The following STK24 variants were observed in gnomAD, a reference collection of about 807,000 sequenced individuals.
The protein encoded by STK24 is serine/threonine-protein kinase 24.
STK24 carries 21 observed loss-of-function variants against 55.6 expected under a neutral mutation model. The observed-to-expected ratio is 0.38, with a 90% CI of 0.27 to 0.54. The LOEUF is 0.54. Among genes scored for constraint, STK24 ranks in the 20% least tolerant of loss-of-function variants. The probability of loss-of-function intolerance (pLI) is 0.79; values close to 1 mark genes in which losing one functional copy is unlikely to be tolerated. For synonymous variants in STK24, 200 were observed against 215.2 expected (o/e 0.93, Z 0.62); for missense variants, 383 against 538.4 (o/e 0.71, Z 2.86).
chr13:98,514,558 A>G (rs1055308079), intron 2 of STK24, among the ~76,000 whole-genome samples: 3 of 152,230 alleles, frequency 2.0e-5, no homozygotes, highest in Non-Finnish European at 2.9e-5. Context: ...ACTACTCAGA[A>G]AAGTTTTTAG....
In STK24 at chr13:98,446,833, C is replaced by T; in HGVS notation, c.*6340G>A. 1.2e-6 allele frequency: 2 copies of T among 1,613,706 alleles called. No homozygotes were observed. Among genetic ancestry groups the T allele is most frequent in the Non-Finnish European group, 1.7e-6 (2 of 1,179,750 alleles). On this transcript the variant is annotated 3_prime_UTR_variant, in exon 11 of 11. Coordinates refer to ENST00000539966, the MANE Select transcript of STK24 (RefSeq NM_001032296.4). ...CGTTCGAAAGGTAGACACCCCCTTC[C>T]CACGCACAGGGCCCTGCAGAAGAGG...
intron 1 of STK24, among the ~76,000 whole-genome samples, chr13:98,565,610 C>T (rs1290606182): frequency 7.1e-6 from 1 of 140,786 alleles, no homozygotes; most frequent in Non-Finnish European, 1.5e-5. Flanking sequence ...CCAGTCTGGG[C>T]ACGAGAATGA....
chr13:98,459,670 C>T (rs1893618817), intron 9 of STK24, among the ~76,000 whole-genome samples: 1 of 152,222 alleles, frequency 6.6e-6, no homozygotes, highest in African/African-American at 2.4e-5. Flanking sequence ...GAAAACTGCC[C>T]AAAGAGGGAA....
chr13:98,463,940 A>T, intron 6 of STK24, 104 bp from the exon 7 acceptor site: 1 of 1,314,278 alleles, frequency 7.6e-7, no homozygotes, highest in East Asian at 2.3e-5. Flanking sequence ...CTGACACCTG[A>T]TGGCTGGACT....
intron 1 of STK24, among the ~76,000 whole-genome samples, chr13:98,535,674 C>T (rs183601231): frequency 4.7e-4 from 72 of 152,310 alleles, no homozygotes; most frequent in African/African-American, 1.6e-3. Flanking sequence ...AGAACACTGT[C>T]CTCATTACAC....
rs568559810 is a variant in STK24 at position 98,461,952 on chromosome 13, C to T, written c.930-55G>A. ...AGTGCTCGCACACCTGCTCTGGGGG[C>T]GCTGGGACGTTCAGGGGGAGGCCGC... On this transcript the variant is annotated intron_variant, in intron 7 of 10. Coordinates refer to ENST00000539966, the MANE Select transcript of STK24 (RefSeq NM_001032296.4). The T allele has an allele frequency of 1.8e-5, 29 of 1,600,292 alleles. No individual in the cohort carries two copies. In the African/African-American group the frequency reaches 2.5e-4, roughly 14 times the overall value.
At chr13:98,500,725 C>T (rs934312069) in intron 2 of STK24, among the ~76,000 whole-genome samples, 4 of 151,606 alleles carry the variant, frequency 2.6e-5, no homozygotes, top group African/African-American at 9.7e-5. Flanking sequence ...CCATCCTCCC[C>T]CAACCCGTCC....
At chr13:98,565,268 G>C (rs1027760390) in intron 1 of STK24, among the ~76,000 whole-genome samples, 1 of 151,770 alleles carries the variant, frequency 6.6e-6, no homozygotes, top group Non-Finnish European at 1.5e-5. Flanking sequence ...GAAACTCCAG[G>C]GCAGCAGGGC....
intron 2 of STK24, among the ~76,000 whole-genome samples, chr13:98,515,740 A>G (rs1233105252): frequency 6.6e-6 from 1 of 152,234 alleles, no homozygotes; most frequent in African/African-American, 2.4e-5. Flanking sequence ...GAATGAACCA[A>G]AACATAATTA....
intron 1 of STK24, among the ~76,000 whole-genome samples, chr13:98,537,528 G>A (rs1320129449): frequency 3.3e-5 from 5 of 152,154 alleles, no homozygotes; most frequent in Admixed American, 1.3e-4. Flanking sequence ...ACTAAGGACC[G>A]GGCCACGCAC....
chr13:98,504,204 C>CAA (rs138590566), intron 2 of STK24, among the ~76,000 whole-genome samples: 4,176 of 146,802 alleles, frequency 0.028, 98 homozygotes, highest in Admixed American at 0.071. Context: ...TAACTGAAGA[C>CAA]AAAAAAAAAA....
intron 1 of STK24, among the ~76,000 whole-genome samples, chr13:98,535,224 C>T (rs1483146634): frequency 3.3e-5 from 5 of 152,156 alleles, no homozygotes; most frequent in African/African-American, 1.2e-4. Flanking sequence ...GTAATCCCAA[C>T]TACCTGGGAG....
intron 1 of STK24, among the ~76,000 whole-genome samples, chr13:98,522,355 C>T (rs1231583734): frequency 3.3e-5 from 5 of 152,258 alleles, no homozygotes; most frequent in Admixed American, 1.3e-4. Flanking sequence ...CAAACCTGCC[C>T]GAACAGAACC....
At chr13:98,454,178 G>A (rs1215964501) in intron 10 of STK24, 1 of 152,198 alleles carries the variant, frequency 6.6e-6, no homozygotes, top group Non-Finnish European at 1.5e-5. Context: ...TTTATGACCT[G>A]GTATGACAAC....
chr13:98,520,499 G>A (rs1273162180), intron 1 of STK24, among the ~76,000 whole-genome samples: 2 of 152,172 alleles, frequency 1.3e-5, no homozygotes, highest in African/African-American at 4.8e-5. Flanking sequence ...TGAACTACTA[G>A]GAAAAGGAAC....
intron 7 of STK24, 102 bp downstream of exon 7, chr13:98,463,584 TAAAAA>T (rs56325686): frequency 3.8e-6 from 4 of 1,048,974 alleles, no homozygotes; most frequent in Non-Finnish European, 5.2e-6. Flanking sequence ...CTGGATTGTC[TAAAAA>T]AAAAAAAAAA....
rs1893116580 is a variant in STK24, at chr13:98,450,110, G to A, written c.*3063C>T. 1 of 152,224 alleles carries A rather than the reference G, an allele frequency of 6.6e-6. No homozygotes were observed. Among genetic ancestry groups the A allele is most frequent in the South Asian group, 2.1e-4 (1 of 4,828 alleles). 9.4% of individuals were successfully genotyped at this position (152,224 alleles called of 1,614,324 possible). A position where few individuals can be genotyped will look rare whatever the true frequency, so the allele number is the denominator to read the frequency against. On this transcript the variant is annotated 3_prime_UTR_variant, in exon 11 of 11. Transcript: ENST00000539966. The stretch of plus-strand genomic sequence containing the variant: ...CCTGTGACCAGCACCTCTGCTTCCT[G>A]TGTGCCCTCAAGAAAATACTAGTGT...
In STK24 at chr13:98,460,715, G is replaced by A. The variant is rs185586639; in HGVS notation, c.1054-275C>T. On this transcript the variant is annotated intron_variant, in intron 8 of 10. Transcript: ENST00000539966. ...AAGGGGACTCTGTGTGGGCACAGGC[G>A]GTGAACTGCCTCGTCTTGCTATCTA... Among the ~76,000 whole-genome samples the A allele has an allele frequency of 6.2e-3, 939 of 152,196 alleles. 3 individuals carry two copies. Among genetic ancestry groups the A allele is most frequent in the Non-Finnish European group, 7.7e-3 (523 of 68,024 alleles).
chr13:98,527,928 C>T (rs1896478721), intron 1 of STK24, among the ~76,000 whole-genome samples: 1 of 152,182 alleles, frequency 6.6e-6, no homozygotes, highest in South Asian at 2.1e-4. Flanking sequence ...CTTGCAGCCC[C>T]GCCAGCTCCT....
Sources: gnomAD v4.1 joint callset for allele counts (sites outside exome capture counted in the v4.1 genomes callset) on GRCh38, gnomAD v4.1.1 for gene constraint, MANE v1.5 for transcripts, NCBI Gene and HGNC (gene_info 2026-07-23, HGNC 2026-07-21) for gene names.